The following CLEC4D variants were observed in gnomAD, a reference collection of about 807,000 sequenced individuals.
The protein encoded by CLEC4D is C-type (calcium dependent, carbohydrate-recognition domain) lectin, superfamily member 8.
CLEC4D carries 21 observed loss-of-function variants against 21.1 expected under a neutral mutation model. That is an observed-to-expected ratio of 1.00 (90% CI 0.71 to 1.43). The LOEUF (loss-of-function observed/expected upper bound fraction) is 1.43. Among genes scored for constraint, CLEC4D ranks in the 40% most tolerant of loss-of-function variants. The probability of loss-of-function intolerance (pLI) is 0.00; values close to 1 mark genes in which losing one functional copy is unlikely to be tolerated. For missense variants in CLEC4D, 289 were observed against 260.7 expected, an observed-to-expected ratio of 1.11 and a Z score of -0.75; for synonymous variants, 85 against 83.1, an observed-to-expected ratio of 1.02 and a Z score of -0.12.
At chr12:8,515,459 C>T (rs1022510780) in intron 2 of CLEC4D, 131 bp downstream of exon 2, 1 of 571,300 alleles carries the variant, frequency 1.8e-6, no homozygotes, top group Non-Finnish European at 3.2e-6. Flanking sequence ...CAGGGTCTTG[C>T]ACTGAATATT....
In CLEC4D at chr12:8,518,207, GCA is replaced by G; in HGVS notation, c.168_169del (p.His56GlnfsTer21). On this transcript the variant is annotated frameshift_variant, in exon 3 of 6. Coordinates refer to ENST00000299665, the MANE Select transcript of CLEC4D (RefSeq NM_080387.5). LOFTEE classifies it high-confidence loss of function. ...CACGCTGTAAGAGAGGCACAGGAGT[GCA>G]CAAGTTAGAGCACCATGCAAAGCTC... ...FSRCKRGTGV[H>X]KLEHHAKLKC... 1 of 1,443,168 alleles carries G rather than the reference GCA, an allele frequency of 6.9e-7. No individual in the cohort carries two copies. The highest frequency in any genetic ancestry group is 1.1e-5 in the South Asian group (1 of 87,336). The allele number at this position is 1,443,168 out of a possible 1,614,324, so 89.4% of individuals were successfully genotyped here. A position where few individuals can be genotyped will look rare whatever the true frequency, so the allele number is the denominator to read the frequency against.
downstream of CLEC4D, among the ~76,000 whole-genome samples, chr12:8,524,995 G>C (rs1940495918): frequency 6.6e-6 from 1 of 152,130 alleles, no homozygotes; most frequent in Admixed American, 6.5e-5. Flanking sequence ...CAATTTTCTT[G>C]AAATTGTGTG....
chr12:8,515,560 A>G (rs1252378637), intron 2 of CLEC4D, among the ~76,000 whole-genome samples: 1 of 152,152 alleles, frequency 6.6e-6, no homozygotes, highest in East Asian at 1.9e-4. Flanking sequence ...CTGTACATGT[A>G]AAAGTTGGTT....
chr12:8,520,173 C>T, intron 4 of CLEC4D, 53 bp from the exon 5 acceptor site: 1 of 1,596,024 alleles, frequency 6.3e-7, no homozygotes, highest in Middle Eastern at 1.7e-4. Context: ...TTTCCAACAT[C>T]ATAGCCATCA....
At chr12:8,525,075 G>T (rs1332643180), downstream of CLEC4D, among the ~76,000 whole-genome samples, 4 of 152,074 alleles carry the variant, frequency 2.6e-5, no homozygotes, top group East Asian at 1.9e-4. Context: ...TGTTTTTTAT[G>T]ATTTCAGTTC....
At chr12:8,513,852 G>A (rs1940341080) in intron 1 of CLEC4D, 92 bp downstream of exon 1, 1 of 737,030 alleles carries the variant, frequency 1.4e-6, no homozygotes, top group Admixed American at 1.9e-5. Context: ...AAAGATTGTT[G>A]ATGATGACGG....
At chr12:8,517,081 C>A (rs1256729592) in intron 2 of CLEC4D, among the ~76,000 whole-genome samples, 1 of 152,116 alleles carries the variant, frequency 6.6e-6, no homozygotes, top group Non-Finnish European at 1.5e-5. Flanking sequence ...AAGCAAAGCA[C>A]AGCGGTTACT....
chr12:8,519,125 G>T lies in CLEC4D; in HGVS notation c.349G>T (p.Ala117Ser), dbSNP rs765594498. Reference protein sequence around the residue: ...ESERNCSGMGAHLMTISTEAE... With the variant: ...ESERNCSGMGSHLMTISTEAE... ...TGAAAGGAACTGTTCAGGGATGGGG[G>T]CCCATCTGATGACCATCAGCACGGA... Residue 117 changes from alanine to serine, a missense_variant, in exon 4 of 6, where the codon GCC (alanine) becomes TCC (serine). Physicochemically the swap from Ala to Ser is moderately conservative, Grantham distance 99. Coordinates refer to ENST00000299665, the MANE Select transcript of CLEC4D (RefSeq NM_080387.5). 6.2e-7 allele frequency: 1 copy of T among 1,614,038 alleles called. No homozygotes were observed.
downstream of CLEC4D, among the ~76,000 whole-genome samples, chr12:8,524,331 C>CT (rs574264286): frequency 0.014 from 1,863 of 137,968 alleles, 27 homozygotes; most frequent in African/African-American, 0.036. Flanking sequence ...TGGTCCTTGG[C>CT]TTTTTTTTTT....
In CLEC4D at chr12:8,522,085, A is replaced by G. The variant is rs1940465826; in HGVS notation, c.*814A>G. ...GTATCACAGGAAGTTACTGGGGATT[A>G]CTCGACCTCATTACTTAGCTAACGA... On this transcript the variant is annotated 3_prime_UTR_variant, in exon 6 of 6. Transcript: ENST00000299665. 6.6e-6 allele frequency: 1 copy of G among 152,176 alleles called. No homozygotes were observed. The highest frequency in any genetic ancestry group is 1.5e-5 in the Non-Finnish European group (1 of 68,000). 9.4% of individuals were successfully genotyped at this position (152,176 alleles called of 1,614,324 possible).
At chr12:8,521,056 A>G (rs1940450810) in intron 5 of CLEC4D, 68 bp from the exon 6 acceptor site, 3 of 1,540,948 alleles carry the variant, frequency 1.9e-6, no homozygotes, top group Admixed American at 2.0e-5. Context: ...TCTATATCTA[A>G]TCTACACCTA....
At chr12:8,519,235 T>A in intron 4 of CLEC4D, 75 bp downstream of exon 4, 4 of 1,525,472 alleles carry the variant, frequency 2.6e-6, no homozygotes, top group Middle Eastern at 1.7e-4. Context: ...TTCTCTGTCC[T>A]GTTATGCCTC....
intron 4 of CLEC4D, among the ~76,000 whole-genome samples, chr12:8,519,558 A>G (rs78798535): frequency 1.3e-5 from 2 of 152,128 alleles, no homozygotes; most frequent in African/African-American, 4.8e-5. Context: ...TTGCGCTTCC[A>G]ATGTCCCGTG....
At chr12:8,529,264 A>T in the CLEC4D span, among the ~76,000 whole-genome samples, 1 of 152,168 alleles carries the variant, frequency 6.6e-6, no homozygotes, top group Admixed American at 6.5e-5. Flanking sequence ...GAGAGGTGAT[A>T]TACATTTCTG....
intron 1 of CLEC4D, 125 bp from the exon 2 acceptor site, chr12:8,515,111 T>A: frequency 1.8e-6 from 1 of 549,854 alleles, no homozygotes; most frequent in Non-Finnish European, 3.3e-6. Flanking sequence ...GGAGAAAATA[T>A]TTATGCTCTT....
chr12:8,514,692 A>G (rs186300614), intron 1 of CLEC4D, among the ~76,000 whole-genome samples: 2 of 152,240 alleles, frequency 1.3e-5, no homozygotes, highest in Non-Finnish European at 2.9e-5. Context: ...TACTTAATTT[A>G]CTTAAAAAAT....
chr12:8,524,331 C>G (rs1001195402), downstream of CLEC4D, among the ~76,000 whole-genome samples: 1 of 137,952 alleles, frequency 7.2e-6, no homozygotes, highest in African/African-American at 2.7e-5. Context: ...TGGTCCTTGG[C>G]TTTTTTTTTT....
rs770704317 is a variant in CLEC4D at position 8,519,174 on chromosome 12, A to G, written c.384+14A>G. On this transcript the variant is annotated intron_variant, in intron 4 of 5. Coordinates refer to ENST00000299665, the MANE Select transcript of CLEC4D (RefSeq NM_080387.5). ...GAAGCTGAGCAGGTGTGTTGGGAGG[A>G]TCACATCAGTTTCTCTGCTGCTTTG... 1.2e-6 allele frequency: 2 copies of G among 1,608,764 alleles called. No individual in the cohort carries two copies. The highest frequency in any genetic ancestry group is 1.1e-5 in the South Asian group (1 of 90,214).
At chr12:8,524,388 T>C (rs900137701), downstream of CLEC4D, among the ~76,000 whole-genome samples, 9 of 152,196 alleles carry the variant, frequency 5.9e-5, no homozygotes, top group Middle Eastern at 3.4e-3. Flanking sequence ...AGCTCGTAAT[T>C]GTCTATTCAG....
Sources: allele counts gnomAD v4.1 joint callset (sites outside exome capture counted in the v4.1 genomes callset), GRCh38; gene constraint gnomAD v4.1.1; transcripts MANE v1.5; gene names NCBI Gene and HGNC (gene_info 2026-07-23, HGNC 2026-07-21).